Variants in ATP10A observed in about 807,000 individuals in gnomAD.
The protein encoded by ATP10A is phospholipid-transporting ATPase VA.
A neutral mutation model predicts 147.8 loss-of-function variants in ATP10A; 111 were observed. The ratio of observed to expected loss-of-function variants is 0.75; its 90% confidence interval spans 0.64 to 0.88. ATP10A has a LOEUF of 0.88. Among genes scored for constraint, ATP10A ranks in the 40% least tolerant of loss-of-function variants. ATP10A has a pLI of 0.00. For missense variants in ATP10A, 1,927 were observed against 1,959.0 expected, an observed-to-expected ratio of 0.98 and a Z score of 0.31; for synonymous variants, 875 against 841.6, an observed-to-expected ratio of 1.04 and a Z score of -0.69.
chr15:25,795,166 C>T (rs1049966658), intron 1 of ATP10A, among the ~76,000 whole-genome samples: 7 of 152,126 alleles, frequency 4.6e-5, no homozygotes, highest in African/African-American at 1.7e-4. Flanking sequence ...TATGTGACCG[C>T]GCAAGCATAC....
chr15:25,818,447 T>C (rs1891755148), intron 1 of ATP10A, among the ~76,000 whole-genome samples: 1 of 152,270 alleles, frequency 6.6e-6, no homozygotes. Flanking sequence ...AAATAAACTG[T>C]AGATGACACA....
At chr15:25,708,476 G>GCAAA in intron 10 of ATP10A, 176 bp from the exon 11 acceptor site, 1 of 613,680 alleles carries the variant, frequency 1.6e-6, no homozygotes. Context: ...TCATCAATAT[G>GCAAA]TTTGACTGTT....
At chr15:25,859,679 G>C (rs567744335) in intron 1 of ATP10A, among the ~76,000 whole-genome samples, 2 of 152,134 alleles carry the variant, frequency 1.3e-5, no homozygotes, top group African/African-American at 4.8e-5. Flanking sequence ...GGTTCAGAAG[G>C]AGGAAACAGG....
At chr15:25,801,984 C>T (rs1439416048) in intron 1 of ATP10A, among the ~76,000 whole-genome samples, 7 of 152,142 alleles carry the variant, frequency 4.6e-5, no homozygotes, top group Non-Finnish European at 8.8e-5. Context: ...TATGTTAACG[C>T]GGAGAACACG....
At chr15:25,689,915 G>C (rs1899925136) in intron 15 of ATP10A, among the ~76,000 whole-genome samples, 1 of 152,230 alleles carries the variant, frequency 6.6e-6, no homozygotes, top group Non-Finnish European at 1.5e-5. Context: ...TACTAGACGA[G>C]TTTCCAAGCA....
intron 1 of ATP10A, among the ~76,000 whole-genome samples, chr15:25,839,073 G>A (rs994770577): frequency 1.3e-5 from 2 of 152,140 alleles, no homozygotes; most frequent in African/African-American, 2.4e-5. Flanking sequence ...TGACAGCAAT[G>A]ACTTAACAGC....
intron 1 of ATP10A, among the ~76,000 whole-genome samples, chr15:25,784,987 T>C (rs1328874575): frequency 1.3e-5 from 2 of 151,152 alleles, no homozygotes; most frequent in Non-Finnish European, 1.5e-5. Flanking sequence ...GGACAGACCC[T>C]GGAAGACTCA....
intron 1 of ATP10A, among the ~76,000 whole-genome samples, chr15:25,799,799 A>G (rs781077769): frequency 6.6e-6 from 1 of 152,206 alleles, no homozygotes; most frequent in Non-Finnish European, 1.5e-5. Flanking sequence ...CATCACTGTG[A>G]GGGAATCCAG....
intron 2 of ATP10A, among the ~76,000 whole-genome samples, chr15:25,737,192 C>T (rs866409300): frequency 6.6e-6 from 1 of 152,210 alleles, no homozygotes; most frequent in South Asian, 2.1e-4. Flanking sequence ...TCTCTCTTCT[C>T]CTTGGACTGA....
At chr15:25,741,375 C>T (rs539524445) in intron 2 of ATP10A, among the ~76,000 whole-genome samples, 2 of 152,286 alleles carry the variant, frequency 1.3e-5, no homozygotes, top group South Asian at 2.1e-4. Context: ...CCTGCTGAGG[C>T]GTCTCTGTGG....
intron 1 of ATP10A, among the ~76,000 whole-genome samples, chr15:25,802,669 C>T (rs1028453419): frequency 2.0e-5 from 3 of 152,182 alleles, no homozygotes; most frequent in Non-Finnish European, 4.4e-5. Context: ...CACGGCCGGC[C>T]GCCTTCTCTG....
Position 25,680,832 on chromosome 15 carries a change from A to G in ATP10A, c.3656T>C (p.Leu1219Pro), listed in dbSNP as rs372151406. 1.9e-6 allele frequency: 3 copies of G among 1,613,604 alleles called. No homozygotes were observed. The highest frequency in any genetic ancestry group is 2.5e-6 in the Non-Finnish European group (3 of 1,180,004). ...TACCCAGGTTTTGGTTTCAATGCCC[A>G]GGTGGAGCAGGAAAGTGAGCAGCGC... The part of the protein sequence containing the change: ...TIALLTFLLH[L>P]GIETKTWTWL... The change falls in exon 19 of 21, where the codon CTG becomes CCG. Residue 1219 changes from leucine (L) to proline (P), a missense_variant. Physicochemically the swap from Leu to Pro is moderately conservative, Grantham distance 98. Transcript: ENST00000555815.
chr15:25,797,439 C>G (rs373140411), intron 1 of ATP10A, among the ~76,000 whole-genome samples: 1 of 152,028 alleles, frequency 6.6e-6, no homozygotes, highest in Non-Finnish European at 1.5e-5. Flanking sequence ...TGGCCCCTGG[C>G]CCCTGCCCCC....
At chr15:25,820,119 T>G (rs755283713) in intron 1 of ATP10A, among the ~76,000 whole-genome samples, 61 of 152,084 alleles carry the variant, frequency 4.0e-4, no homozygotes, top group Non-Finnish European at 6.9e-4. Context: ...TAGATAGAAA[T>G]AGAAATACAT....
intron 13 of ATP10A, among the ~76,000 whole-genome samples, chr15:25,699,558 A>T (rs1164124556): frequency 6.6e-6 from 1 of 152,200 alleles, no homozygotes; most frequent in Non-Finnish European, 1.5e-5. Context: ...AATGCATGAT[A>T]CATAAAATTT....
At chr15:25,788,615 A>C in intron 1 of ATP10A, among the ~76,000 whole-genome samples, 1 of 152,254 alleles carries the variant, frequency 6.6e-6, no homozygotes, top group East Asian at 1.9e-4. Flanking sequence ...GATTTTGACT[A>C]ACACAATCAG....
chr15:25,681,283 T>C (rs953160906), intron 17 of ATP10A, among the ~76,000 whole-genome samples: 5 of 151,928 alleles, frequency 3.3e-5, no homozygotes, highest in Admixed American at 6.6e-5. Context: ...CACAGAAAAA[T>C]ATATCTATAA....
chr15:25,805,063 C>T (rs1214540223), intron 1 of ATP10A, among the ~76,000 whole-genome samples: 4 of 152,172 alleles, frequency 2.6e-5, no homozygotes, highest in Admixed American at 6.5e-5. Context: ...CCATGGTGAG[C>T]GGACGGGCCA....
chr15:25,680,773 T>G (rs1484511091), intron 19 of ATP10A, 37 bp downstream of exon 19: 1 of 1,565,262 alleles, frequency 6.4e-7, no homozygotes, highest in Non-Finnish European at 8.8e-7. Context: ...ACGGCATCAG[T>G]GCTCTTCTGA....
Sources: allele counts gnomAD v4.1 joint callset (sites outside exome capture counted in the v4.1 genomes callset), GRCh38; gene constraint gnomAD v4.1.1; transcripts MANE v1.5; gene names NCBI Gene and HGNC (gene_info 2026-07-23, HGNC 2026-07-21).